The following NUGGC variants were observed in gnomAD, a reference collection of about 807,000 sequenced individuals.
The protein encoded by NUGGC is nuclear GTPase, germinal center associated, also known as nuclear GTPase SLIP-GC.
A neutral mutation model predicts 92.6 loss-of-function variants in NUGGC; 58 were observed. The observed-to-expected ratio is 0.63, with a 90% CI of 0.51 to 0.78. The LOEUF (loss-of-function observed/expected upper bound fraction) is 0.78, where lower values mean the gene tolerates loss of function less well. Among genes scored for constraint, NUGGC ranks in the 30% least tolerant of loss-of-function variants. The pLI, the probability that NUGGC is intolerant of heterozygous loss-of-function variation, is 0.00. For missense variants in NUGGC, 925 were observed against 964.6 expected (o/e 0.96, Z 0.54); for synonymous variants, 376 against 366.4 (o/e 1.03, Z -0.30).
chr8:28,052,450 G>GACT (rs1810030519), intron 10 of NUGGC, among the ~76,000 whole-genome samples: 1 of 152,158 alleles, frequency 6.6e-6, no homozygotes, highest in South Asian at 2.1e-4. Flanking sequence ...ATGGAGTAGG[G>GACT]TGGGCCCCTA....
intron 18 of NUGGC, among the ~76,000 whole-genome samples, chr8:28,023,921 C>A (rs1809183604): frequency 6.6e-6 from 1 of 152,130 alleles, no homozygotes. Context: ...TATGTGTCAA[C>A]TTGTTTAGGT....
At chr8:28,063,649 T>G (rs973678920) in intron 7 of NUGGC, among the ~76,000 whole-genome samples, 2 of 152,164 alleles carry the variant, frequency 1.3e-5, no homozygotes, top group Admixed American at 1.3e-4. Context: ...CAAGTGACTT[T>G]CCCTCTCTGA....
At chr8:28,078,531 T>C (rs1810775225) in intron 1 of NUGGC, among the ~76,000 whole-genome samples, 1 of 152,204 alleles carries the variant, frequency 6.6e-6, no homozygotes, top group Non-Finnish European at 1.5e-5. Flanking sequence ...CTGGAGGACT[T>C]AAGACAAGTC....
chr8:28,079,694 G>C (rs1249376219), intron 1 of NUGGC, among the ~76,000 whole-genome samples: 1 of 152,178 alleles, frequency 6.6e-6, no homozygotes, highest in Non-Finnish European at 1.5e-5. Context: ...ATCACATTCA[G>C]CAGCCTCTAA....
At chr8:28,076,709 G>A (rs1197953727) in intron 1 of NUGGC, among the ~76,000 whole-genome samples, 1 of 152,166 alleles carries the variant, frequency 6.6e-6, no homozygotes, top group Non-Finnish European at 1.5e-5. Flanking sequence ...CTGCTCCACG[G>A]GGATGAGGAA....
At chr8:28,049,131 A>G (rs927474260) in intron 10 of NUGGC, among the ~76,000 whole-genome samples, 1 of 152,168 alleles carries the variant, frequency 6.6e-6, no homozygotes, top group African/African-American at 2.4e-5. Flanking sequence ...GAGTGAGTAG[A>G]CGCCTTGCAG....
intron 7 of NUGGC, among the ~76,000 whole-genome samples, chr8:28,060,863 C>T (rs566246363): frequency 3.9e-4 from 60 of 152,332 alleles, no homozygotes; most frequent in African/African-American, 1.4e-3. Context: ...GGGCTGGCCT[C>T]TGCATCCTGT....
chr8:28,033,521 A>G lies in NUGGC; in HGVS notation c.1769+19T>C. 6.2e-7 allele frequency: 1 copy of G among 1,608,716 alleles called. No individual in the cohort carries two copies. The highest frequency in any genetic ancestry group is 8.5e-7 in the Non-Finnish European group (1 of 1,177,582). ...TTCCGATGTTTGTTCCCGAAGGTGCAAGATGAGAGATCCTTTACCTAAAAA... is the reference window on the plus strand; with the variant it reads ...TTCCGATGTTTGTTCCCGAAGGTGCGAGATGAGAGATCCTTTACCTAAAAA... On this transcript the variant is annotated intron_variant, in intron 14 of 18. Coordinates refer to ENST00000413272, the MANE Select transcript of NUGGC (RefSeq NM_001010906.2).
intron 1 of NUGGC, among the ~76,000 whole-genome samples, chr8:28,081,734 C>T (rs1167208824): frequency 6.6e-6 from 1 of 152,074 alleles, no homozygotes; most frequent in Non-Finnish European, 1.5e-5. Context: ...AAAAATTAGC[C>T]AGCCGTTGTG....
At position 28,026,973 on chromosome 8, in the gene NUGGC, T is replaced by C; in HGVS notation, c.2234A>G (p.Lys745Arg). The part of the protein sequence containing the change: ...LASSQGDGLY[K>R]ELADVGSEYK... ...TTTGGCGTATTTACCTGCAAGCTCC[T>C]TGTAGAGGCCATCCCCCTGGGACGA... Residue 745 changes from lysine to arginine, a missense_variant, in exon 18 of 19, where the codon AAG becomes AGG. Physicochemically the swap from Lys to Arg is conservative, Grantham distance 26. Coordinates refer to ENST00000413272, the MANE Select transcript of NUGGC (RefSeq NM_001010906.2). 6.2e-7 allele frequency: 1 copy of C among 1,612,626 alleles called. No homozygotes were observed. The highest frequency in any genetic ancestry group is 1.6e-4 in the Middle Eastern group (1 of 6,062).
Position 28,063,263 on chromosome 8 carries a change from C to T in NUGGC, c.921+1259G>A, listed in dbSNP as rs757144229. 3.7e-4 allele frequency among the ~76,000 whole-genome samples: 57 copies of T among 152,198 alleles called. 1 individual carries two copies. Among genetic ancestry groups the T allele is most frequent in the Non-Finnish European group, 3.2e-4 (22 of 68,032 alleles). ...GCAGAGCACGGTGGGAACCATCCCT[C>T]GCTTCAGCCTGACCTCCTCAGAGCA... On this transcript the variant is annotated intron_variant, in intron 7 of 18. Transcript: ENST00000413272.
At chr8:28,033,029 A>G (rs1173841254) in intron 14 of NUGGC, among the ~76,000 whole-genome samples, 1 of 152,176 alleles carries the variant, frequency 6.6e-6, no homozygotes, top group African/African-American at 2.4e-5. Context: ...GCATGGTGGC[A>G]TATGCCTGTG....
intron 8 of NUGGC, among the ~76,000 whole-genome samples, chr8:28,059,588 C>G (rs2130204426): frequency 6.6e-6 from 1 of 152,264 alleles, no homozygotes; most frequent in Middle Eastern, 3.4e-3. Context: ...ATGGGTTGAT[C>G]TGTGCATCTA....
intron 12 of NUGGC, among the ~76,000 whole-genome samples, chr8:28,044,988 A>G (rs1488963330): frequency 6.6e-6 from 1 of 152,222 alleles, no homozygotes; most frequent in Non-Finnish European, 1.5e-5. Flanking sequence ...CTATGAGAAA[A>G]GTAATTTTAA....
chr8:28,067,462 G>A, intron 6 of NUGGC, 52 bp downstream of exon 6: 1 of 1,204,206 alleles, frequency 8.3e-7, no homozygotes. Flanking sequence ...AGGTTCAACT[G>A]TTAGACTTGA....
rs770091256 is a variant in NUGGC at position 28,029,320 on chromosome 8, C to T, written c.2100G>A (p.Glu700=). 2 of 1,609,306 alleles carry T rather than the reference C, an allele frequency of 1.2e-6. No homozygotes were observed. Among genetic ancestry groups the T allele is most frequent in the Admixed American group, 1.7e-5 (1 of 59,482 alleles). The change falls in exon 17 of 19, where the codon GAG becomes GAA. Residue 700 remains glutamate (E), a synonymous_variant. Transcript: ENST00000413272. The part of the protein sequence containing the change: ...IRRGVDRQVA[E]GMFERAQERM... ...TTTCCTGGGCCCTTTCAAACATGCC[C>T]TCAGCCACCTGCCGGTCCACTCCTC...
intron 1 of NUGGC, among the ~76,000 whole-genome samples, chr8:28,075,149 G>T (rs550811443): frequency 6.6e-6 from 1 of 152,114 alleles, no homozygotes; most frequent in Non-Finnish European, 1.5e-5. Context: ...TCTGGGAGGT[G>T]GAACATTAGA....
rs1809351627 is a variant in NUGGC at position 28,029,314 on chromosome 8, C to CA, written c.2105dup (p.Met702IlefsTer3). On this transcript the variant is annotated frameshift_variant, in exon 17 of 19. Coordinates refer to ENST00000413272, the MANE Select transcript of NUGGC (RefSeq NM_001010906.2). LOFTEE classifies it high-confidence loss of function. ...GCATCCTTTCCTGGGCCCTTTCAAACATGCCCTCAGCCACCTGCCGGTCCA... is the reference window on the plus strand; with the variant it reads ...GCATCCTTTCCTGGGCCCTTTCAAACAATGCCCTCAGCCACCTGCCGGTCCA... 6.2e-7 allele frequency: 1 copy of CA among 1,608,444 alleles called. No individual in the cohort carries two copies. The highest frequency in any genetic ancestry group is 1.3e-5 in the African/African-American group (1 of 74,830).
chr8:28,074,140 T>C (rs563603156), intron 2 of NUGGC, among the ~76,000 whole-genome samples: 11 of 151,996 alleles, frequency 7.2e-5, no homozygotes, highest in Non-Finnish European at 1.3e-4. Flanking sequence ...GCCGCACTTA[T>C]TTAACTGCTG....
Sources: allele counts gnomAD v4.1 joint callset (sites outside exome capture counted in the v4.1 genomes callset), GRCh38; gene constraint gnomAD v4.1.1; transcripts MANE v1.5; gene names NCBI Gene and HGNC (gene_info 2026-07-23, HGNC 2026-07-21).